The following JMY variants were observed in gnomAD, a reference collection of about 807,000 sequenced individuals.
JMY encodes the protein junction mediating and regulatory protein, p53 cofactor.
A neutral mutation model predicts 103.3 loss-of-function variants in JMY; 46 were observed. The observed-to-expected ratio is 0.45, with a 90% CI of 0.35 to 0.57. The LOEUF is 0.57. JMY is among the 20% of genes least tolerant of loss of function. The pLI is 0.00. For synonymous variants in JMY, 526 were observed against 489.3 expected (o/e 1.07, Z -0.99); for missense variants, 1,238 against 1,255.2 (o/e 0.99, Z 0.21).
chr5:79,298,028 G>C (rs752347617), intron 4 of JMY, among the ~76,000 whole-genome samples: 2 of 152,138 alleles, frequency 1.3e-5, no homozygotes, highest in Admixed American at 1.3e-4. Flanking sequence ...AGCTGACAGC[G>C]TAAAGGCATG....
At position 79,290,234 on chromosome 5, in the gene JMY, T is replaced by A; in HGVS notation, c.1320T>A (p.Thr440=). ...HMAVLSIQDL[T]VKYFEITAKA... ...CTGTACTGTCTATTCAAGATCTTAC[T>A]GTCAAGTACTTTGAAATAACAGCTA... Residue 440 remains threonine, a synonymous_variant, in exon 3 of 11, where the codon ACT becomes ACA. Coordinates refer to ENST00000396137, the MANE Select transcript of JMY (RefSeq NM_152405.5). 3 of 1,533,798 alleles carry A rather than the reference T, an allele frequency of 2.0e-6. No individual in the cohort carries two copies. Among genetic ancestry groups the A allele is most frequent in the Non-Finnish European group, 2.6e-6 (3 of 1,136,462 alleles).
chr5:79,255,293 C>T (rs1189459175), intron 1 of JMY, among the ~76,000 whole-genome samples: 3 of 151,992 alleles, frequency 2.0e-5, no homozygotes, highest in African/African-American at 7.2e-5. Flanking sequence ...GATGGGGTTT[C>T]GCCATGTTGG....
intron 10 of JMY, among the ~76,000 whole-genome samples, chr5:79,318,075 C>T (rs559109340): frequency 1.2e-4 from 19 of 152,094 alleles, no homozygotes; most frequent in African/African-American, 1.9e-4. Context: ...GATCTCGGCT[C>T]GCTGCAAGCT....
At chr5:79,320,456 C>T (rs1342251668) in intron 10 of JMY, among the ~76,000 whole-genome samples, 4 of 151,696 alleles carry the variant, frequency 2.6e-5, no homozygotes, top group Non-Finnish European at 4.4e-5. Context: ...GGATTACAGG[C>T]GCACCACCAT....
chr5:79,258,964 A>G (rs1363881173), intron 1 of JMY, among the ~76,000 whole-genome samples: 1 of 152,174 alleles, frequency 6.6e-6, no homozygotes, highest in Non-Finnish European at 1.5e-5. Context: ...CACAGACAAG[A>G]GACAAGTGGA....
intron 1 of JMY, among the ~76,000 whole-genome samples, chr5:79,275,619 A>G (rs191180632): frequency 6.6e-6 from 1 of 152,166 alleles, no homozygotes; most frequent in African/African-American, 2.4e-5. Flanking sequence ...GTCACTCTGT[A>G]GTGCCTACAG....
At chr5:79,244,682 A>C (rs543730828) in intron 1 of JMY, among the ~76,000 whole-genome samples, 6 of 150,322 alleles carry the variant, frequency 4.0e-5, no homozygotes, top group Admixed American at 3.3e-4. Flanking sequence ...TGGTAACGAG[A>C]AGTTTCCTGT....
At chr5:79,278,145 C>T (rs1745999516) in intron 2 of JMY, 62 bp downstream of exon 2, 2 of 1,239,998 alleles carry the variant, frequency 1.6e-6, no homozygotes, top group East Asian at 2.4e-5. Flanking sequence ...CCTGAAAGGC[C>T]ATGCGTTATC....
chr5:79,315,884 G>A, intron 9 of JMY, 116 bp from the exon 10 acceptor site: 2 of 810,022 alleles, frequency 2.5e-6, no homozygotes, highest in Non-Finnish European at 4.1e-6. Context: ...GATCCATTTT[G>A]AAGATGGTGT....
intron 1 of JMY, among the ~76,000 whole-genome samples, chr5:79,240,700 A>G (rs1744711859): frequency 6.6e-6 from 1 of 152,184 alleles, no homozygotes; most frequent in Admixed American, 6.5e-5. Context: ...GTGTCTTTAG[A>G]TTATATTGGG....
chr5:79,259,105 C>T (rs1251338018), intron 1 of JMY, among the ~76,000 whole-genome samples: 4 of 152,178 alleles, frequency 2.6e-5, no homozygotes, highest in Non-Finnish European at 5.9e-5. Context: ...GGTAGCTCCT[C>T]TCTGAAGCTG....
chr5:79,257,422 G>C (rs1217932710), intron 1 of JMY, among the ~76,000 whole-genome samples: 1 of 152,124 alleles, frequency 6.6e-6, no homozygotes, highest in Non-Finnish European at 1.5e-5. Context: ...GGTGAACATG[G>C]TGAAACCCTG....
chr5:79,237,496 C>T lies in JMY; in HGVS notation c.846C>T (p.Ile282=), dbSNP rs757627591. 2.5e-6 allele frequency: 4 copies of T among 1,613,744 alleles called. No individual in the cohort carries two copies. The highest frequency in any genetic ancestry group is 3.4e-6 in the Non-Finnish European group (4 of 1,179,972). ...GGAPEMTEQE[I]DTLCYQLQVY... ...CCCCCGAGATGACCGAGCAGGAAAT[C>T]GACACTCTGTGTTACCAGCTCCAGG... The change falls in exon 1 of 11, where the codon ATC becomes ATT. Residue 282 remains isoleucine, a synonymous_variant. Coordinates refer to ENST00000396137, the MANE Select transcript of JMY (RefSeq NM_152405.5).
intron 2 of JMY, chr5:79,284,627 T>G (rs1746216395): frequency 6.4e-7 from 1 of 1,552,020 alleles, no homozygotes; most frequent in Non-Finnish European, 8.8e-7. Context: ...GCCATGGAAG[T>G]TAGGCAGTTT....
chr5:79,284,052 C>CT (rs930382027), intron 2 of JMY: 9 of 993,606 alleles, frequency 9.1e-6, no homozygotes, highest in South Asian at 3.7e-5. Flanking sequence ...AAATTACTTT[C>CT]TTTTTTTTAT....
chr5:79,254,470 C>A (rs1268130678), intron 1 of JMY, among the ~76,000 whole-genome samples: 1 of 152,170 alleles, frequency 6.6e-6, no homozygotes, highest in Non-Finnish European at 1.5e-5. Context: ...TTATGTCATG[C>A]CGCTCTCTCC....
chr5:79,272,920 G>A (rs531807508), intron 1 of JMY, among the ~76,000 whole-genome samples: 14 of 152,318 alleles, frequency 9.2e-5, no homozygotes, highest in South Asian at 6.2e-4. Flanking sequence ...ACAGGCACGA[G>A]CCACTGCACC....
chr5:79,318,073 C>G (rs1348889784), intron 10 of JMY, among the ~76,000 whole-genome samples: 1 of 152,160 alleles, frequency 6.6e-6, no homozygotes, highest in Non-Finnish European at 1.5e-5. Context: ...ATGATCTCGG[C>G]TCGCTGCAAG....
chr5:79,311,927 CT>C (rs771605657), intron 7 of JMY, among the ~76,000 whole-genome samples: 53 of 152,152 alleles, frequency 3.5e-4, no homozygotes, highest in Non-Finnish European at 7.1e-4. Flanking sequence ...AGCGATTCTC[CT>C]GCCTCAGCCT....
Sources: gnomAD v4.1 joint callset for allele counts (sites outside exome capture counted in the v4.1 genomes callset) on GRCh38, gnomAD v4.1.1 for gene constraint, MANE v1.5 for transcripts, NCBI Gene and HGNC (gene_info 2026-07-23, HGNC 2026-07-21) for gene names.